PPM1D: variants seen among roughly 807,000 people sequenced by gnomAD.
PPM1D encodes the protein protein phosphatase 1D.
PPM1D carries 52 observed loss-of-function variants against 58.3 expected under a neutral mutation model. The ratio of observed to expected loss-of-function variants is 0.89; its 90% confidence interval spans 0.71 to 1.12. The LOEUF is 1.12. Ranked by LOEUF, PPM1D falls within the 50% of genes most tolerant of loss-of-function variation. The pLI is 0.00. For synonymous variants in PPM1D, 278 were observed against 285.1 expected, an observed-to-expected ratio of 0.98 and a Z score of 0.25; for missense variants, 564 against 777.2, an observed-to-expected ratio of 0.73 and a Z score of 3.26.
chr17:60,604,414 C>T (rs961825587), intron 1 of PPM1D, among the ~76,000 whole-genome samples: 1 of 152,208 alleles, frequency 6.6e-6, no homozygotes, highest in Non-Finnish European at 1.5e-5. Context: ...CACAGTTTAT[C>T]AGTCTCTCAA....
At chr17:60,618,452 G>A (rs949329270) in intron 1 of PPM1D, among the ~76,000 whole-genome samples, 6 of 152,092 alleles carry the variant, frequency 3.9e-5, no homozygotes, top group African/African-American at 2.4e-5. Context: ...ACCACAGTTC[G>A]GTTGCTATTG....
At chr17:60,610,176 CAAAA>C (rs57245998) in intron 1 of PPM1D, among the ~76,000 whole-genome samples, 2 of 69,858 alleles carry the variant, frequency 2.9e-5, no homozygotes, top group Non-Finnish European at 3.5e-5. Flanking sequence ...GAGACTGTCT[CAAAA>C]AAAAAAAAAA....
At position 60,623,509 on chromosome 17, in the gene PPM1D, T is replaced by C. The variant is rs2030746468; in HGVS notation, c.473-12T>C. Reference sequence around the variant, plus strand: ...TACTTGCAAGAGTGAAATATTTTATTTCTTATTACAGCGGAATGGCCAAAG... The same window carrying C: ...TACTTGCAAGAGTGAAATATTTTATCTCTTATTACAGCGGAATGGCCAAAG... On this transcript the variant is annotated splice_polypyrimidine_tract_variant and intron_variant, in intron 1 of 5. Transcript: ENST00000305921. 6.3e-7 allele frequency: 1 copy of C among 1,595,318 alleles called. No homozygotes were observed.
chr17:60,645,546 GTATA>G (rs771054328), intron 3 of PPM1D, among the ~76,000 whole-genome samples: 13 of 115,268 alleles, frequency 1.1e-4, no homozygotes, highest in East Asian at 7.5e-4. Flanking sequence ...GTATATATAT[GTATA>G]TATATGTGTG....
intron 3 of PPM1D, among the ~76,000 whole-genome samples, chr17:60,645,577 T>C (rs932769397): frequency 1.3e-4 from 19 of 141,202 alleles, no homozygotes; most frequent in Non-Finnish European, 2.6e-4. Context: ...TATATGTATA[T>C]ATATATGTGT....
chr17:60,654,356 C>G (rs1157125929), intron 4 of PPM1D, among the ~76,000 whole-genome samples: 2 of 138,052 alleles, frequency 1.4e-5, no homozygotes. Context: ...ACTGCAGCCT[C>G]CACCTCCTGG....
intron 1 of PPM1D, among the ~76,000 whole-genome samples, chr17:60,616,124 G>A (rs2030578940): frequency 6.6e-6 from 1 of 151,950 alleles, no homozygotes; most frequent in Non-Finnish European, 1.5e-5. Flanking sequence ...TTGAGCCTCA[G>A]CCTCCTGTAA....
intron 1 of PPM1D, among the ~76,000 whole-genome samples, chr17:60,611,639 A>G (rs111809050): frequency 0.14 from 20,489 of 151,760 alleles, 4,137 homozygotes; most frequent in African/African-American, 0.44. Flanking sequence ...AGCTGGTCTC[A>G]AACTCCTGGC....
chr17:60,612,836 C>T (rs2030488194), intron 1 of PPM1D, among the ~76,000 whole-genome samples: 1 of 152,060 alleles, frequency 6.6e-6, no homozygotes, highest in African/African-American at 2.4e-5. Flanking sequence ...CAAGAGCTAT[C>T]AGACTTTTGC....
chr17:60,643,011 A>G (rs545635100), intron 3 of PPM1D, among the ~76,000 whole-genome samples: 75 of 150,438 alleles, frequency 5.0e-4, no homozygotes, highest in African/African-American at 1.5e-3. Context: ...AGATCACGCC[A>G]CTGCACTCCA....
intron 1 of PPM1D, among the ~76,000 whole-genome samples, chr17:60,602,796 A>C (rs1333504572): frequency 6.6e-6 from 1 of 151,040 alleles, no homozygotes; most frequent in African/African-American, 2.5e-5. Flanking sequence ...AAAAAAAAAA[A>C]AAAAGTATGC....
At position 60,613,804 on chromosome 17, in the gene PPM1D, C is replaced by T. The variant is rs192379664; in HGVS notation, c.473-9717C>T. Among the ~76,000 whole-genome samples, 1,133 of 152,306 alleles carry T rather than the reference C, an allele frequency of 7.4e-3. 12 individuals carry two copies. The highest frequency in any genetic ancestry group is 0.025 in the African/African-American group (1,056 of 41,574). On this transcript the variant is annotated intron_variant, in intron 1 of 5. Coordinates refer to ENST00000305921, the MANE Select transcript of PPM1D (RefSeq NM_003620.4). ...GCCGGGTCCCCCAGCAGTGCTGGCC[C>T]ACCGGCGCTGCGCTGGATTTCTCGC...
intron 1 of PPM1D, among the ~76,000 whole-genome samples, chr17:60,605,090 G>A (rs931956741): frequency 7.2e-5 from 11 of 152,184 alleles, no homozygotes; most frequent in African/African-American, 2.7e-4. Context: ...CCACAGGCAT[G>A]AGCCACCACT....
intron 1 of PPM1D, among the ~76,000 whole-genome samples, chr17:60,609,923 T>G (rs1446040085): frequency 6.6e-5 from 10 of 152,200 alleles, no homozygotes. Context: ...GGCTCACGCC[T>G]GTAATCCCAG....
chr17:60,657,107 C>A, intron 5 of PPM1D: 1 of 1,292,276 alleles, frequency 7.7e-7, no homozygotes, highest in Non-Finnish European at 9.9e-7. Context: ...ATTTTTAAAG[C>A]ATTTAGAAGT....
At chr17:60,606,166 G>A (rs1248097700) in intron 1 of PPM1D, among the ~76,000 whole-genome samples, 2 of 152,070 alleles carry the variant, frequency 1.3e-5, no homozygotes, top group Non-Finnish European at 2.9e-5. Context: ...GTGTTCTTTT[G>A]TGTCTGACTT....
chr17:60,609,023 A>G (rs540133981), intron 1 of PPM1D, among the ~76,000 whole-genome samples: 1 of 152,162 alleles, frequency 6.6e-6, no homozygotes, highest in African/African-American at 2.4e-5. Flanking sequence ...CTGGGATTAC[A>G]GGCGTGAGCC....
intron 3 of PPM1D, among the ~76,000 whole-genome samples, chr17:60,639,381 GGATTACA>G (rs2031089699): frequency 6.6e-6 from 1 of 151,782 alleles, no homozygotes; most frequent in African/African-American, 2.4e-5. Context: ...TAAAGTGCTG[GGATTACA>G]GATGAGAGCC....
rs761570033 is a variant in PPM1D, at chr17:60,656,663, G to A, written c.1082G>A (p.Arg361His). The part of the protein sequence containing the change: ...VNRALGRWRQ[R>H]MLRADNTSAI... Reference sequence around the variant, plus strand: ...CGAGCATTGGGCCGCTGGAGGCAGCGTATGCTCCGAGCAGATAACACTAGT... The same window carrying A: ...CGAGCATTGGGCCGCTGGAGGCAGCATATGCTCCGAGCAGATAACACTAGT... Residue 361 changes from arginine to histidine, a missense_variant, in exon 5 of 6, where the codon CGT (arginine) becomes CAT (histidine). Arg to His is a conservative substitution (Grantham distance 29). This residue lies in a region of PPM1D where 18 missense variants were observed against 43.9 expected (regional missense o/e 0.41). Coordinates refer to ENST00000305921, the MANE Select transcript of PPM1D (RefSeq NM_003620.4). The A allele has an allele frequency of 8.7e-6, 14 of 1,614,164 alleles. No individual in the cohort carries two copies. The highest frequency in any genetic ancestry group is 3.3e-5 in the South Asian group (3 of 91,088).
Sources: allele counts gnomAD v4.1 joint callset (sites outside exome capture counted in the v4.1 genomes callset), GRCh38; gene constraint gnomAD v4.1.1; regional missense constraint gnomAD v4.1.1; transcripts MANE v1.5; gene names NCBI Gene and HGNC (gene_info 2026-07-23, HGNC 2026-07-21).